SORD: variants seen among roughly 807,000 people sequenced by gnomAD.
The protein encoded by SORD is (R,R)-butanediol dehydrogenase.
Under a neutral mutation model 35.6 loss-of-function variants are expected in SORD, and 18 were observed. The observed-to-expected ratio is 0.51, with a 90% confidence interval of 0.35 to 0.75. The LOEUF is 0.75. Ranked by LOEUF, SORD falls within the 30% of genes least tolerant of loss-of-function variation. The pLI is 0.01. For missense variants in SORD, 250 were observed against 390.2 expected (o/e 0.64, Z 3.03); for synonymous variants, 106 against 152.9 (o/e 0.69, Z 2.26).
intron 3 of SORD, 191 bp from the exon 4 acceptor site, chr15:45,060,876 G>A: frequency 7.6e-7 from 1 of 1,307,640 alleles, no homozygotes; most frequent in Non-Finnish European, 1.0e-6. Flanking sequence ...AGGACACCCT[G>A]GGTCCCCAGG....
At chr15:45,062,546 C>A (rs559362798) in intron 4 of SORD, among the ~76,000 whole-genome samples, 4 of 151,986 alleles carry the variant, frequency 2.6e-5, no homozygotes, top group African/African-American at 9.6e-5. Context: ...TCTGACAGAT[C>A]TGAGTTTTTC....
chr15:45,030,427 G>A (rs2412954), intron 1 of SORD, among the ~76,000 whole-genome samples: 30,977 of 150,388 alleles, frequency 0.21, no homozygotes, highest in African/African-American at 0.44. Context: ...TGTGGCTGTT[G>A]AAGCTGGCAG....
At chr15:45,040,295 A>G in intron 1 of SORD, 113 bp from the exon 2 acceptor site, 1 of 763,598 alleles carries the variant, frequency 1.3e-6, no homozygotes, top group Non-Finnish European at 2.2e-6. Flanking sequence ...GCTTGTGTTA[A>G]TTCTAAGAAG....
chr15:45,071,466 G>C (rs2141128808), intron 7 of SORD, among the ~76,000 whole-genome samples: 1 of 152,204 alleles, frequency 6.6e-6, no homozygotes, highest in Non-Finnish European at 1.5e-5. Context: ...TGATCGTGGT[G>C]TATCCTTCGT....
At chr15:45,029,336 A>G (rs1477688956) in intron 1 of SORD, among the ~76,000 whole-genome samples, 1 of 151,146 alleles carries the variant, frequency 6.6e-6, no homozygotes, top group Non-Finnish European at 1.5e-5. Context: ...TTCCTCTCAA[A>G]GTGATGCAAG....
At chr15:45,036,477 A>G (rs1460046571) in intron 1 of SORD, 3 of 382,122 alleles carry the variant, frequency 7.9e-6, no homozygotes, top group African/African-American at 4.3e-5. Context: ...AGATCAATTG[A>G]GGCCAGGAGT....
At chr15:45,066,385 C>A (rs1302358784) in intron 5 of SORD, among the ~76,000 whole-genome samples, 3 of 151,648 alleles carry the variant, frequency 2.0e-5, no homozygotes, top group South Asian at 2.1e-4. Flanking sequence ...GATCTTGGCT[C>A]ACTGCAACCT....
At chr15:45,041,306 A>G (rs143795944) in intron 2 of SORD, among the ~76,000 whole-genome samples, 36 of 152,132 alleles carry the variant, frequency 2.4e-4, no homozygotes, top group Non-Finnish European at 4.3e-4. Flanking sequence ...CCACTTTGTC[A>G]TAATCATGCA....
At chr15:45,065,187 T>A (rs1893384799) in intron 4 of SORD, 84 bp from the exon 5 acceptor site, 10 of 1,251,768 alleles carry the variant, frequency 8.0e-6, no homozygotes, top group Non-Finnish European at 8.0e-6. Context: ...ATGGTTGTTA[T>A]TACAGTGACA....
chr15:45,029,574 C>T (rs1892737330), intron 1 of SORD, among the ~76,000 whole-genome samples: 2 of 152,278 alleles, frequency 1.3e-5, no homozygotes, highest in African/African-American at 4.8e-5. Context: ...CCACCGTCTG[C>T]AGATGGTGGC....
At chr15:45,070,796 G>A (rs1893499448) in intron 7 of SORD, 1 of 152,184 alleles carries the variant, frequency 6.6e-6, no homozygotes, top group African/African-American at 2.4e-5. Context: ...TAAGCTGGGG[G>A]ACTTAAAGGA....
At chr15:45,042,536 G>T (rs1455458959) in intron 2 of SORD, 1 of 150,156 alleles carries the variant, frequency 6.7e-6, no homozygotes, top group Non-Finnish European at 1.5e-5. Flanking sequence ...ATAAAGGAAA[G>T]AAAACAATAG....
intron 7 of SORD, among the ~76,000 whole-genome samples, chr15:45,071,183 C>G (rs567549458): frequency 6.6e-6 from 1 of 152,234 alleles, no homozygotes; most frequent in South Asian, 2.1e-4. Context: ...CAGGTGGTTC[C>G]AGCATTCCTT....
chr15:45,031,528 C>T (rs112928078), intron 1 of SORD, among the ~76,000 whole-genome samples: 5,015 of 151,110 alleles, frequency 0.033, no homozygotes, highest in African/African-American at 0.099. Context: ...TACAGGCTCT[C>T]GGCCATGGTC....
intron 3 of SORD, among the ~76,000 whole-genome samples, chr15:45,048,687 C>T (rs1354510031): frequency 1.3e-5 from 2 of 152,098 alleles, no homozygotes; most frequent in Admixed American, 6.5e-5. Flanking sequence ...AGTTCTTTGT[C>T]TCATGACCAG....
chr15:45,050,105 C>T (rs373881134), intron 3 of SORD, among the ~76,000 whole-genome samples: 57 of 152,068 alleles, frequency 3.7e-4, no homozygotes, highest in African/African-American at 3.6e-4. Context: ...TTTTTTGAGA[C>T]GGAGTCTCGC....
chr15:45,026,751 G>T (rs1892676527), intron 1 of SORD, among the ~76,000 whole-genome samples: 1 of 152,236 alleles, frequency 6.6e-6, no homozygotes, highest in Non-Finnish European at 1.5e-5. Context: ...TCTGAAGCAG[G>T]TTTCCAAAGC....
intron 3 of SORD, among the ~76,000 whole-genome samples, chr15:45,057,361 C>G (rs756427189): frequency 6.6e-6 from 1 of 151,988 alleles, no homozygotes; most frequent in Non-Finnish European, 1.5e-5. Context: ...AAATAGTTAA[C>G]AGGGAAACAA....
At chr15:45,031,339 AC>A (rs1339280174) in intron 1 of SORD, among the ~76,000 whole-genome samples, 1 of 121,600 alleles carries the variant, frequency 8.2e-6, no homozygotes, top group Non-Finnish European at 1.5e-5. Context: ...AAAAAAAAAA[AC>A]AACAGGGAAT....
Sources: allele counts gnomAD v4.1 joint callset (sites outside exome capture counted in the v4.1 genomes callset), GRCh38; gene constraint gnomAD v4.1.1; transcripts MANE v1.5; gene names NCBI Gene and HGNC (gene_info 2026-07-23, HGNC 2026-07-21).